Variants in DNAAF9 observed in about 807,000 individuals in gnomAD.
DNAAF9 encodes dynein axonemal assembly factor 9.
In DNAAF9, 90 loss-of-function variants were observed where a neutral mutation model predicts 167.0. That is an observed-to-expected ratio of 0.54 (90% CI 0.45 to 0.64). The LOEUF is 0.64. Among genes scored for constraint, DNAAF9 ranks in the 30% least tolerant of loss-of-function variants. The pLI is 0.00. For missense variants in DNAAF9, 1,315 were observed against 1,442.2 expected, an observed-to-expected ratio of 0.91 and a Z score of 1.43; for synonymous variants, 491 against 508.8, an observed-to-expected ratio of 0.96 and a Z score of 0.47.
Position 3,324,137 on chromosome 20 carries a change from G to A in DNAAF9, c.1265+755C>T, listed in dbSNP as rs2069669171. On this transcript the variant is annotated intron_variant, in intron 14 of 36. Transcript: ENST00000252032. ...TTCTGGCTCTTTCTTCCACTCCTGG[G>A]GCTGCAGAAATAGAATTCTTTTTGT... is the stretch of plus-strand genomic sequence containing the variant. 3.9e-5 allele frequency among the ~76,000 whole-genome samples: 6 copies of A among 152,212 alleles called. No individual in the cohort carries two copies. The South Asian group carries it at 1.0e-3, about 26-fold the overall frequency.
intron 6 of DNAAF9, among the ~76,000 whole-genome samples, chr20:3,371,775 G>A (rs1399094664): frequency 1.3e-5 from 2 of 152,124 alleles, no homozygotes; most frequent in Non-Finnish European, 2.9e-5. Flanking sequence ...TCCATAAACA[G>A]ATGAATGAAT....
intron 7 of DNAAF9, among the ~76,000 whole-genome samples, chr20:3,357,170 A>G (rs1287900372): frequency 6.6e-6 from 1 of 152,016 alleles, no homozygotes; most frequent in Admixed American, 6.6e-5. Flanking sequence ...TAGTGTTTTC[A>G]TTACTTAAAT....
intron 9 of DNAAF9, among the ~76,000 whole-genome samples, chr20:3,343,428 T>C (rs530365833): frequency 3.9e-4 from 60 of 152,284 alleles, no homozygotes; most frequent in African/African-American, 1.4e-3. Flanking sequence ...ATTACAGGCA[T>C]GAGCCACCGC....
intron 29 of DNAAF9, among the ~76,000 whole-genome samples, chr20:3,273,082 C>T (rs563386339): frequency 1.3e-5 from 2 of 152,132 alleles, no homozygotes; most frequent in South Asian, 2.1e-4. Flanking sequence ...CCACCCGCCT[C>T]GGCCTCCCAA....
At chr20:3,263,413 A>T (rs2068429477) in intron 31 of DNAAF9, among the ~76,000 whole-genome samples, 1 of 152,172 alleles carries the variant, frequency 6.6e-6, no homozygotes, top group African/African-American at 2.4e-5. Flanking sequence ...AAGCTTTAAC[A>T]ATGTCTTCCC....
chr20:3,384,179 G>C (rs1232406127), intron 1 of DNAAF9: 1 of 152,132 alleles, frequency 6.6e-6, no homozygotes, highest in African/African-American at 2.4e-5. Flanking sequence ...CTTCCATGAA[G>C]AGTTTCATAG....
intron 12 of DNAAF9, among the ~76,000 whole-genome samples, chr20:3,326,538 C>G (rs2069713968): frequency 6.6e-6 from 1 of 151,850 alleles, no homozygotes; most frequent in South Asian, 2.1e-4. Context: ...TTGAGACCAG[C>G]CTGGGCAACA....
At chr20:3,389,732 T>A (rs894895301) in intron 1 of DNAAF9, among the ~76,000 whole-genome samples, 2 of 151,950 alleles carry the variant, frequency 1.3e-5, no homozygotes, top group African/African-American at 4.8e-5. Flanking sequence ...GAACTTTAAA[T>A]TTTTTTTAGA....
intron 8 of DNAAF9, among the ~76,000 whole-genome samples, chr20:3,347,900 C>A (rs140097290): frequency 1.2e-3 from 187 of 152,000 alleles, no homozygotes; most frequent in African/African-American, 4.2e-3. Flanking sequence ...CCAGCCTGGG[C>A]GACAGAGTGA....
intron 7 of DNAAF9, among the ~76,000 whole-genome samples, chr20:3,357,432 A>G (rs2083301391): frequency 6.6e-6 from 1 of 152,104 alleles, no homozygotes; most frequent in African/African-American, 2.4e-5. Flanking sequence ...AGATCGCACC[A>G]CTACACTCCA....
chr20:3,356,636 T>C (rs761313391), intron 7 of DNAAF9, among the ~76,000 whole-genome samples: 9 of 152,214 alleles, frequency 5.9e-5, no homozygotes, highest in Admixed American at 2.0e-4. Flanking sequence ...AGTGAGGTTA[T>C]TGCTTACAGG....
Position 3,315,136 on chromosome 20 carries a change from CAA to C in DNAAF9, c.1591-18_1591-17del. 1 of 1,487,558 alleles carries C rather than the reference CAA, an allele frequency of 6.7e-7. No individual in the cohort carries two copies. Among genetic ancestry groups the C allele is most frequent in the South Asian group, 1.1e-5 (1 of 87,942 alleles). The allele number at this position is 1,487,558 out of a possible 1,614,324, so 92.1% of individuals were successfully genotyped here. ...ACTCATCCCCCTTTAAAAACAACAA[CAA>C]AAACAAAAATCCAAAAAAGAATAGG... On this transcript the variant is annotated splice_polypyrimidine_tract_variant and intron_variant, in intron 19 of 36. Coordinates refer to ENST00000252032, the MANE Select transcript of DNAAF9 (RefSeq NM_001009984.3). The surrounding 1 kb of genome is among the most constrained non-coding windows in gnomAD (Gnocchi z 4.1).
intron 30 of DNAAF9, among the ~76,000 whole-genome samples, chr20:3,265,171 A>G (rs1189250060): frequency 2.0e-5 from 3 of 152,098 alleles, no homozygotes; most frequent in Non-Finnish European, 4.4e-5. Context: ...CAAGATCTCC[A>G]CTAGAGATGC....
chr20:3,328,846 G>A (rs948968506), intron 12 of DNAAF9, among the ~76,000 whole-genome samples: 4 of 148,300 alleles, frequency 2.7e-5, no homozygotes, highest in African/African-American at 7.5e-5. Context: ...ACACACACAC[G>A]TATACACACA....
intron 7 of DNAAF9, among the ~76,000 whole-genome samples, chr20:3,354,359 A>G (rs1051980471): frequency 6.6e-6 from 1 of 152,276 alleles, no homozygotes; most frequent in African/African-American, 2.4e-5. Flanking sequence ...CAGAAGAAAG[A>G]TGCAACAGAG....
At position 3,340,652 on chromosome 20, in the gene DNAAF9, G is replaced by A. The variant is rs1568615320; in HGVS notation, c.846-13C>T. ...CTGCCGGTTAGGGCTAGAGAGGGAA[G>A]TCAAAAACATGTGATTAGAAAAGAG... On this transcript the variant is annotated splice_polypyrimidine_tract_variant and intron_variant, in intron 9 of 36. Coordinates refer to ENST00000252032, the MANE Select transcript of DNAAF9 (RefSeq NM_001009984.3). 7 of 1,613,572 alleles carry A rather than the reference G, an allele frequency of 4.3e-6. No homozygotes were observed. The highest frequency in any genetic ancestry group is 5.9e-6 in the Non-Finnish European group (7 of 1,179,546).
intron 1 of DNAAF9, among the ~76,000 whole-genome samples, chr20:3,393,366 G>T (rs1228719325): frequency 6.6e-6 from 1 of 151,718 alleles, no homozygotes; most frequent in Admixed American, 6.6e-5. Context: ...TTAGTTAGGC[G>T]TGGTGGTTAC....
intron 26 of DNAAF9, among the ~76,000 whole-genome samples, chr20:3,288,103 C>T (rs2068883017): frequency 6.6e-6 from 1 of 152,230 alleles, no homozygotes; most frequent in Non-Finnish European, 1.5e-5. Context: ...CAGTCACTTT[C>T]TGAAGGACCA....
intron 12 of DNAAF9, among the ~76,000 whole-genome samples, chr20:3,327,061 G>T (rs1000027502): frequency 4.5e-4 from 68 of 152,154 alleles, no homozygotes; most frequent in African/African-American, 1.6e-3. Context: ...CCGGGTAGGA[G>T]ACCTCAGCGG....
Sources: allele counts gnomAD v4.1 joint callset (sites outside exome capture counted in the v4.1 genomes callset), GRCh38; gene constraint gnomAD v4.1.1; non-coding constraint Gnocchi (gnomAD v3.1); transcripts MANE v1.5; gene names NCBI Gene and HGNC (gene_info 2026-07-23, HGNC 2026-07-21).